Variants in PLEK observed in about 807,000 individuals in gnomAD.
PLEK encodes the protein platelet 47 kDa protein.
Under a neutral mutation model 43.9 loss-of-function variants are expected in PLEK, and 25 were observed. The observed-to-expected ratio is 0.57, with a 90% confidence interval of 0.41 to 0.79. The LOEUF (loss-of-function observed/expected upper bound fraction) is 0.79. Ranked by LOEUF, PLEK falls within the 30% of genes least tolerant of loss-of-function variation. PLEK has a pLI of 0.00. For synonymous variants in PLEK, 152 were observed against 144.4 expected, an observed-to-expected ratio of 1.05 and a Z score of -0.38; for missense variants, 396 against 413.3, an observed-to-expected ratio of 0.96 and a Z score of 0.36.
chr2:68,368,130 C>G (rs955399422), intron 1 of PLEK, among the ~76,000 whole-genome samples: 3 of 152,110 alleles, frequency 2.0e-5, no homozygotes, highest in Non-Finnish European at 4.4e-5. Flanking sequence ...TCTTTTGCCT[C>G]CTGAATAAGA....
At chr2:68,380,564 G>T in intron 2 of PLEK, 81 bp downstream of exon 2, 1 of 1,475,526 alleles carries the variant, frequency 6.8e-7, no homozygotes, top group Admixed American at 1.8e-5. Context: ...AATGTGGGTG[G>T]TGCTCCTTGG....
chr2:68,385,333 A>G (rs991562641), intron 4 of PLEK, among the ~76,000 whole-genome samples: 1 of 152,084 alleles, frequency 6.6e-6, no homozygotes, highest in Non-Finnish European at 1.5e-5. Flanking sequence ...GGTCAATTTC[A>G]TTTTCTTCTC....
At chr2:68,378,040 CAT>C (rs1473900963) in intron 1 of PLEK, among the ~76,000 whole-genome samples, 4 of 152,072 alleles carry the variant, frequency 2.6e-5, no homozygotes, top group South Asian at 4.1e-4. Context: ...ATATATAAAA[CAT>C]GTGTATACAT....
At chr2:68,394,035 T>C in intron 7 of PLEK, 72 bp from the exon 8 acceptor site, 2 of 998,574 alleles carry the variant, frequency 2.0e-6, no homozygotes, top group Non-Finnish European at 3.2e-6. Context: ...GTCTGGCTTT[T>C]TCACCAAGAG....
At chr2:68,370,506 G>C (rs1289185882) in intron 1 of PLEK, among the ~76,000 whole-genome samples, 1 of 152,136 alleles carries the variant, frequency 6.6e-6, no homozygotes, top group African/African-American at 2.4e-5. Context: ...TGTATTTTGA[G>C]ACAGAGTATT....
intron 6 of PLEK, among the ~76,000 whole-genome samples, chr2:68,392,636 A>C (rs1486308663): frequency 6.6e-6 from 1 of 152,068 alleles, no homozygotes; most frequent in African/African-American, 2.4e-5. Flanking sequence ...TTGTCCTCCT[A>C]CCCACCTTTG....
chr2:68,391,272 T>G (rs958371526), intron 6 of PLEK, among the ~76,000 whole-genome samples: 3 of 152,206 alleles, frequency 2.0e-5, no homozygotes, highest in Non-Finnish European at 4.4e-5. Context: ...TTGGCTGATT[T>G]CACATCCTCC....
At chr2:68,373,828 T>G (rs1450168212) in intron 1 of PLEK, among the ~76,000 whole-genome samples, 1 of 152,184 alleles carries the variant, frequency 6.6e-6, no homozygotes, top group Non-Finnish European at 1.5e-5. Context: ...TCTGAGAACA[T>G]GTCTTTCTTT....
At chr2:68,370,845 A>G (rs1477976108) in intron 1 of PLEK, among the ~76,000 whole-genome samples, 5 of 152,204 alleles carry the variant, frequency 3.3e-5, no homozygotes, top group South Asian at 2.1e-4. Flanking sequence ...CCATTCTATC[A>G]TTATTTGTTG....
chr2:68,383,201 A>G (rs918972463), intron 4 of PLEK, among the ~76,000 whole-genome samples: 1 of 152,182 alleles, frequency 6.6e-6, no homozygotes, highest in Non-Finnish European at 1.5e-5. Flanking sequence ...CTGTCTATTT[A>G]GTGGGGATAA....
intron 1 of PLEK, among the ~76,000 whole-genome samples, chr2:68,377,645 T>G (rs1271143459): frequency 3.3e-5 from 5 of 152,208 alleles, no homozygotes; most frequent in Non-Finnish European, 7.3e-5. Flanking sequence ...TAGAGTTGTC[T>G]GAGCTCCTGA....
intron 1 of PLEK, among the ~76,000 whole-genome samples, chr2:68,374,423 T>C (rs1028383616): frequency 6.6e-6 from 1 of 152,184 alleles, no homozygotes; most frequent in Non-Finnish European, 1.5e-5. Flanking sequence ...GTAACTAATG[T>C]GGAATAGTTT....
Position 68,396,678 on chromosome 2 carries a change from A to T in PLEK, c.*862A>T, listed in dbSNP as rs1209124910. The stretch of plus-strand genomic sequence containing the variant: ...ATTACAATTAGGAGGGGGACCCCAC[A>T]TCTGTGAGATTCTGTTTCATTTGAG... On this transcript the variant is annotated 3_prime_UTR_variant, in exon 9 of 9. Coordinates refer to ENST00000234313, the MANE Select transcript of PLEK (RefSeq NM_002664.3). The T allele has an allele frequency of 1.3e-5, 2 of 151,448 alleles. No homozygotes were observed. The highest frequency in any genetic ancestry group is 4.2e-4 in the South Asian group (2 of 4,792). 9.4% of individuals were successfully genotyped at this position (151,448 alleles called of 1,614,324 possible).
intron 1 of PLEK, among the ~76,000 whole-genome samples, chr2:68,378,203 CA>C (rs1558497689): frequency 6.6e-6 from 1 of 151,850 alleles, no homozygotes; most frequent in Admixed American, 6.6e-5. Context: ...TCTCTCTTAG[CA>C]AACAAAAAGC....
intron 6 of PLEK, among the ~76,000 whole-genome samples, chr2:68,389,788 G>A (rs1489246918): frequency 3.9e-5 from 6 of 152,092 alleles, no homozygotes; most frequent in Non-Finnish European, 4.4e-5. Flanking sequence ...GGGAAGGCTC[G>A]GGCAGTTGCC....
At chr2:68,367,294 A>G (rs1673297179) in intron 1 of PLEK, among the ~76,000 whole-genome samples, 1 of 151,524 alleles carries the variant, frequency 6.6e-6, no homozygotes, top group South Asian at 2.1e-4. Context: ...TTTTAGGTTC[A>G]GGAGTATAGG....
intron 7 of PLEK, among the ~76,000 whole-genome samples, chr2:68,393,757 T>C (rs142782655): frequency 1.6e-4 from 25 of 152,318 alleles, no homozygotes; most frequent in African/African-American, 5.5e-4. Context: ...TGGGTGGTTA[T>C]ATTGCTGCAT....
At chr2:68,389,245 T>C (rs1300907492) in intron 6 of PLEK, among the ~76,000 whole-genome samples, 1 of 152,192 alleles carries the variant, frequency 6.6e-6, no homozygotes, top group Non-Finnish European at 1.5e-5. Context: ...ATGAGAATAT[T>C]CAGGGGGAAG....
At chr2:68,375,726 C>T (rs1673489367) in intron 1 of PLEK, among the ~76,000 whole-genome samples, 2 of 152,140 alleles carry the variant, frequency 1.3e-5, no homozygotes, top group South Asian at 2.1e-4. Flanking sequence ...AGATAAGCAG[C>T]AGGGTCTCTT....
Sources: allele counts gnomAD v4.1 joint callset (sites outside exome capture counted in the v4.1 genomes callset), GRCh38; gene constraint gnomAD v4.1.1; transcripts MANE v1.5; gene names NCBI Gene and HGNC (gene_info 2026-07-23, HGNC 2026-07-21).